TMCC3: variants seen among roughly 807,000 people sequenced by gnomAD.
TMCC3 encodes the protein transmembrane and coiled-coil domain protein 3.
A neutral mutation model predicts 40.2 loss-of-function variants in TMCC3; 28 were observed. The observed-to-expected ratio is 0.70, with a 90% CI of 0.52 to 0.95. The LOEUF (loss-of-function observed/expected upper bound fraction) is 0.95, where lower values mean the gene tolerates loss of function less well. TMCC3 is among the 40% of genes least tolerant of loss of function. TMCC3 has a pLI of 0.00. For missense variants in TMCC3, 554 were observed against 615.2 expected, an observed-to-expected ratio of 0.90 and a Z score of 1.05; for synonymous variants, 255 against 248.5, an observed-to-expected ratio of 1.03 and a Z score of -0.25.
intron 1 of TMCC3, among the ~76,000 whole-genome samples, chr12:94,602,324 C>T (rs1234158836): frequency 1.3e-5 from 2 of 152,312 alleles, no homozygotes; most frequent in East Asian, 1.9e-4. Context: ...CCTAAGACCT[C>T]GCATACTGAG....
chr12:94,633,958 T>G (rs12426392), intron 1 of TMCC3, among the ~76,000 whole-genome samples: 1 of 149,634 alleles, frequency 6.7e-6, no homozygotes, highest in Admixed American at 6.6e-5. Flanking sequence ...TATTTTTTTT[T>G]TTTTTGAGAC....
chr12:94,569,431 G>C lies in TMCC3; in HGVS notation c.*2004C>G, dbSNP rs926146483. ...GAAAGATCAGTGTATACACATCAAC[G>C]CGGTAGACCAGGGGGAGTCTGACAA... On this transcript the variant is annotated 3_prime_UTR_variant, in exon 4 of 4. Transcript: ENST00000261226. 6.6e-6 allele frequency: 1 copy of C among 152,314 alleles called. No homozygotes were observed. The highest frequency in any genetic ancestry group is 2.1e-4 in the South Asian group (1 of 4,824). The allele number at this position is 152,314 out of a possible 1,614,324, so 9.4% of individuals were successfully genotyped here.
At chr12:94,607,134 C>T (rs1180465457) in intron 1 of TMCC3, among the ~76,000 whole-genome samples, 1 of 152,208 alleles carries the variant, frequency 6.6e-6, no homozygotes, top group Admixed American at 6.5e-5. Flanking sequence ...CTTACTTGCA[C>T]ATCCATTTAT....
chr12:94,619,122 C>A (rs2068862400), intron 1 of TMCC3, among the ~76,000 whole-genome samples: 1 of 152,160 alleles, frequency 6.6e-6, no homozygotes. Context: ...ATGCATTACA[C>A]ACACTTACAC....
intron 1 of TMCC3, 127 bp from the exon 2 acceptor site, chr12:94,582,665 T>G: frequency 3.6e-6 from 3 of 840,224 alleles, no homozygotes; most frequent in Non-Finnish European, 5.4e-6. Flanking sequence ...TGTCACGGGA[T>G]AAAATCCCCC....
At chr12:94,586,918 A>T (rs924052864) in intron 1 of TMCC3, among the ~76,000 whole-genome samples, 1 of 152,228 alleles carries the variant, frequency 6.6e-6, no homozygotes, top group African/African-American at 2.4e-5. Context: ...CTCAGTTAAA[A>T]ATGTTTGATG....
chr12:94,642,033 A>G (rs2068993849), intron 1 of TMCC3, among the ~76,000 whole-genome samples: 1 of 152,116 alleles, frequency 6.6e-6, no homozygotes, highest in Non-Finnish European at 1.5e-5. Context: ...ATTCAGAAGA[A>G]GAATGGCCTA....
chr12:94,604,982 T>C (rs58221342), intron 1 of TMCC3, among the ~76,000 whole-genome samples: 3,544 of 152,072 alleles, frequency 0.023, 118 homozygotes, highest in African/African-American at 0.081. Flanking sequence ...AACTAGAATA[T>C]GTATTTAGGA....
intron 1 of TMCC3, among the ~76,000 whole-genome samples, chr12:94,600,240 G>GTTTT (rs530585319): frequency 2.1e-4 from 21 of 102,066 alleles, no homozygotes; most frequent in South Asian, 7.0e-4. Context: ...CCAAATTCTG[G>GTTTT]TTTTTTTTTT....
At chr12:94,591,376 GCT>G (rs1210123940) in intron 1 of TMCC3, among the ~76,000 whole-genome samples, 1 of 148,712 alleles carries the variant, frequency 6.7e-6, no homozygotes, top group African/African-American at 2.5e-5. Context: ...GACTTGTTTT[GCT>G]CTGTTATCCT....
chr12:94,626,564 T>C lies in TMCC3; in HGVS notation c.78+23789A>G, dbSNP rs78582461. On this transcript the variant is annotated intron_variant, in intron 1 of 3. Transcript: ENST00000261226. Reference sequence around the variant, plus strand: ...CAAATATTATACCAATATCAATGCATGAAATTCTTAATGCATTATTTCTTT... The same window carrying C: ...CAAATATTATACCAATATCAATGCACGAAATTCTTAATGCATTATTTCTTT... Among the ~76,000 whole-genome samples, 483 of 152,362 alleles carry C rather than the reference T, an allele frequency of 3.2e-3. 9 individuals are homozygous for C. The highest frequency in any genetic ancestry group is 0.011 in the African/African-American group (468 of 41,582).
intron 1 of TMCC3, among the ~76,000 whole-genome samples, chr12:94,607,117 A>T (rs1355027845): frequency 6.6e-6 from 1 of 152,198 alleles, no homozygotes; most frequent in Non-Finnish European, 1.5e-5. Flanking sequence ...TAATTCAGCG[A>T]TACCCTCTTA....
rs1173654063 is a variant in TMCC3, at chr12:94,593,398, A to AAAGAAGAAGAAGG, written c.79-10873_79-10861dup. ...GAAAAGAAAAGAAAGAAGAAAGAAG[A>AAAGAAGAAGAAGG]AAGAAGAAGAAGGAAGAAGAAGAAG... On this transcript the variant is annotated intron_variant, in intron 1 of 3. Coordinates refer to ENST00000261226, the MANE Select transcript of TMCC3 (RefSeq NM_020698.4). 6.2e-5 allele frequency among the ~76,000 whole-genome samples: 3 copies of AAAGAAGAAGAAGG among 48,096 alleles called. 1 individual carries two copies. Among genetic ancestry groups the AAAGAAGAAGAAGG allele is most frequent in the East Asian group, 4.8e-4 (1 of 2,084 alleles). 31.6% of individuals were successfully genotyped at this position (48,096 alleles called of 152,430 possible).
intron 1 of TMCC3, among the ~76,000 whole-genome samples, chr12:94,599,751 GAAGT>G (rs2068741437): frequency 6.6e-6 from 1 of 152,272 alleles, no homozygotes; most frequent in African/African-American, 2.4e-5. Flanking sequence ...CTAGGACTCT[GAAGT>G]AAGACCCTAA....
intron 2 of TMCC3, among the ~76,000 whole-genome samples, chr12:94,580,006 G>C (rs1466305292): frequency 6.6e-6 from 1 of 152,162 alleles, no homozygotes; most frequent in African/African-American, 2.4e-5. Flanking sequence ...GATGCATATG[G>C]AAAGATTTTT....
At chr12:94,614,391 C>G (rs544488387) in intron 1 of TMCC3, among the ~76,000 whole-genome samples, 1 of 152,090 alleles carries the variant, frequency 6.6e-6, no homozygotes, top group Non-Finnish European at 1.5e-5. Context: ...CCTGTAATTG[C>G]CCCCAGGCCA....
chr12:94,578,146 CAAAAAAAAAAAA>C (rs1183420863), intron 3 of TMCC3, among the ~76,000 whole-genome samples: 2 of 34,854 alleles, frequency 5.7e-5, no homozygotes, highest in Non-Finnish European at 1.0e-4. Flanking sequence ...AGACTCACCT[CAAAAAAAAAAAA>C]AAAAAAAAAA....
At chr12:94,609,152 C>T (rs966673098) in intron 1 of TMCC3, among the ~76,000 whole-genome samples, 10 of 152,088 alleles carry the variant, frequency 6.6e-5, no homozygotes, top group Non-Finnish European at 8.8e-5. Flanking sequence ...CCCTTGAGCC[C>T]AGGAGTTCGA....
At chr12:94,584,326 C>T (rs2068624991) in intron 1 of TMCC3, among the ~76,000 whole-genome samples, 1 of 152,168 alleles carries the variant, frequency 6.6e-6, no homozygotes, top group Non-Finnish European at 1.5e-5. Flanking sequence ...GAAGTGCCTG[C>T]TCCCGCTCTG....
Sources: gnomAD v4.1 joint callset for allele counts (sites outside exome capture counted in the v4.1 genomes callset) on GRCh38, gnomAD v4.1.1 for gene constraint, MANE v1.5 for transcripts, NCBI Gene and HGNC (gene_info 2026-07-23, HGNC 2026-07-21) for gene names.